Variants in GALNTL6 observed in about 807,000 individuals in gnomAD.
The protein encoded by GALNTL6 is polypeptide N-acetylgalactosaminyltransferase-like 6.
GALNTL6 carries 46 observed loss-of-function variants against 73.7 expected under a neutral mutation model. The ratio of observed to expected loss-of-function variants is 0.62; its 90% CI spans 0.49 to 0.80. The LOEUF is 0.80. GALNTL6 is among the 30% of genes least tolerant of loss of function. The pLI is 0.00. For synonymous variants in GALNTL6, 259 were observed against 263.7 expected (o/e 0.98, Z 0.17); for missense variants, 604 against 755.0 (o/e 0.80, Z 2.34).
At chr4:172,053,680 T>G (rs1465460058) in intron 2 of GALNTL6, among the ~76,000 whole-genome samples, 2 of 152,072 alleles carry the variant, frequency 1.3e-5, no homozygotes, top group Non-Finnish European at 2.9e-5. Context: ...GCTGACAAAA[T>G]TTTCCATACA....
At chr4:172,649,688 ATAAGT>A (rs750920256) in intron 5 of GALNTL6, among the ~76,000 whole-genome samples, 33 of 152,208 alleles carry the variant, frequency 2.2e-4, no homozygotes, top group Non-Finnish European at 4.3e-4. Context: ...TGTATATATA[ATAAGT>A]TAATTAAGTA....
At chr4:172,458,934 C>T (rs989824592) in intron 5 of GALNTL6, among the ~76,000 whole-genome samples, 11 of 152,146 alleles carry the variant, frequency 7.2e-5, no homozygotes, top group African/African-American at 2.7e-4. Context: ...AGGCCAATAT[C>T]CTCGATGAAT....
At position 172,588,547 on chromosome 4, in the gene GALNTL6, GA is replaced by G. The variant is rs972844493; in HGVS notation, c.554-220805del. On this transcript the variant is annotated intron_variant, in intron 5 of 12. Coordinates refer to ENST00000506823, the MANE Select transcript of GALNTL6 (RefSeq NM_001034845.3). ...GACCCTGTCTCAAAAAAAAAAAAAA[GA>G]AAAAAAAATCCTCCCAATCGTGGAT... Among the ~76,000 whole-genome samples, 17 of 147,704 alleles carry G rather than the reference GA, an allele frequency of 1.2e-4. No individual in the cohort carries two copies. The East Asian group carries it at 1.2e-3, about 10-fold the overall frequency.
intron 5 of GALNTL6, among the ~76,000 whole-genome samples, chr4:172,372,893 G>A (rs1053784307): frequency 6.6e-6 from 1 of 152,178 alleles, no homozygotes; most frequent in Non-Finnish European, 1.5e-5. Flanking sequence ...GCCAGTATAG[G>A]CTGTATTCAT....
intron 10 of GALNTL6, among the ~76,000 whole-genome samples, chr4:172,985,405 C>A (rs757050639): frequency 1.3e-5 from 2 of 151,744 alleles, no homozygotes; most frequent in Non-Finnish European, 2.9e-5. Context: ...AAATATTTAA[C>A]ATTTTTTCTT....
chr4:172,109,766 A>C (rs1218816855), intron 2 of GALNTL6, among the ~76,000 whole-genome samples: 1 of 152,190 alleles, frequency 6.6e-6, no homozygotes, highest in African/African-American at 2.4e-5. Context: ...GGAACATCCC[A>C]AGGCAGATGA....
chr4:172,727,566 G>A (rs1426515996), intron 5 of GALNTL6, among the ~76,000 whole-genome samples: 1 of 152,128 alleles, frequency 6.6e-6, no homozygotes, highest in African/African-American at 2.4e-5. Context: ...CCATATTGCT[G>A]ATGTCAGTGT....
intron 8 of GALNTL6, among the ~76,000 whole-genome samples, chr4:172,890,503 G>A (rs1177229655): frequency 6.6e-6 from 1 of 152,118 alleles, no homozygotes; most frequent in African/African-American, 2.4e-5. Flanking sequence ...GTGTGGTTTT[G>A]AGGGATACTC....
chr4:172,741,734 G>A (rs1736817939), intron 5 of GALNTL6, among the ~76,000 whole-genome samples: 2 of 151,800 alleles, frequency 1.3e-5, no homozygotes, highest in South Asian at 4.1e-4. Context: ...CAGCATCCAT[G>A]TACACCCTGC....
intron 5 of GALNTL6, among the ~76,000 whole-genome samples, chr4:172,593,628 G>A (rs1471712653): frequency 1.3e-5 from 2 of 151,682 alleles, no homozygotes; most frequent in Non-Finnish European, 2.9e-5. Context: ...CAATCAAAAG[G>A]CAGAAACACT....
intron 5 of GALNTL6, among the ~76,000 whole-genome samples, chr4:172,352,551 C>T (rs1243238237): frequency 1.3e-5 from 2 of 152,120 alleles, no homozygotes; most frequent in African/African-American, 4.8e-5. Flanking sequence ...AAATTCCAGG[C>T]AACCTTAACG....
chr4:172,893,177 T>C lies in GALNTL6; in HGVS notation c.1041+10270T>C, dbSNP rs35549067. 9.1e-3 allele frequency among the ~76,000 whole-genome samples: 1,378 copies of C among 152,260 alleles called. 8 individuals carry two copies. The highest frequency in any genetic ancestry group is 0.016 in the Non-Finnish European group (1,105 of 68,016). On this transcript the variant is annotated intron_variant, in intron 8 of 12. Coordinates refer to ENST00000506823, the MANE Select transcript of GALNTL6 (RefSeq NM_001034845.3). ...TTGTCCCAAACCTTCTGTGCCAAGA[T>C]TGCTGGGCAGTTCCAGGTGTTCCAC...
intron 5 of GALNTL6, among the ~76,000 whole-genome samples, chr4:172,442,413 TTAATG>T (rs1731866496): frequency 6.6e-6 from 1 of 152,168 alleles, no homozygotes; most frequent in African/African-American, 2.4e-5. Context: ...AAGAACAATA[TTAATG>T]TGAAAAGCAA....
chr4:172,547,427 T>G (rs1381083675), intron 5 of GALNTL6, among the ~76,000 whole-genome samples: 1 of 152,140 alleles, frequency 6.6e-6, no homozygotes, highest in Non-Finnish European at 1.5e-5. Context: ...GACCAACCCT[T>G]CTGCCACTCT....
At chr4:172,120,772 A>G (rs1162856995) in intron 2 of GALNTL6, among the ~76,000 whole-genome samples, 1 of 152,130 alleles carries the variant, frequency 6.6e-6, no homozygotes, top group African/African-American at 2.4e-5. Flanking sequence ...TTAGGGTCCT[A>G]GAGCAGAGAG....
chr4:172,981,658 C>T (rs1019713096), intron 10 of GALNTL6, among the ~76,000 whole-genome samples: 1 of 152,088 alleles, frequency 6.6e-6, no homozygotes, highest in African/African-American at 2.4e-5. Context: ...TCTTCCTTTT[C>T]AAGATTGTTT....
intron 3 of GALNTL6, among the ~76,000 whole-genome samples, chr4:172,232,336 A>G (rs972492400): frequency 2.6e-5 from 4 of 152,242 alleles, no homozygotes; most frequent in East Asian, 3.9e-4. Context: ...ATTTAATTTT[A>G]CTGTATGACT....
At chr4:172,893,064 G>T (rs947354149) in intron 8 of GALNTL6, among the ~76,000 whole-genome samples, 1 of 152,174 alleles carries the variant, frequency 6.6e-6, no homozygotes, top group Non-Finnish European at 1.5e-5. Flanking sequence ...CCCAGCAGAT[G>T]GCTGTGGGGC....
At chr4:172,320,911 AC>A (rs1188975374) in intron 4 of GALNTL6, among the ~76,000 whole-genome samples, 1 of 152,176 alleles carries the variant, frequency 6.6e-6, no homozygotes, top group East Asian at 1.9e-4. Flanking sequence ...TGGACTTCAA[AC>A]AAAATACGGT....
Sources: gnomAD v4.1 joint callset for allele counts (sites outside exome capture counted in the v4.1 genomes callset) on GRCh38, gnomAD v4.1.1 for gene constraint, MANE v1.5 for transcripts, NCBI Gene and HGNC (gene_info 2026-07-23, HGNC 2026-07-21) for gene names.